Variants in CUEDC2 observed in about 807,000 individuals in gnomAD.
CUEDC2 encodes CUE domain containing 2.
In CUEDC2, 10 loss-of-function variants were observed where a neutral mutation model predicts 36.0. The ratio of observed to expected loss-of-function variants is 0.28; its 90% CI spans 0.17 to 0.47. The LOEUF (loss-of-function observed/expected upper bound fraction) is 0.47. Among genes scored for constraint, CUEDC2 ranks in the 20% least tolerant of loss-of-function variants. CUEDC2 has a pLI of 0.99. For synonymous variants in CUEDC2, 133 were observed against 141.8 expected (o/e 0.94, Z 0.44); for missense variants, 269 against 368.1 (o/e 0.73, Z 2.20).
intron 1 of CUEDC2, among the ~76,000 whole-genome samples, chr10:102,425,426 C>T (rs535061506): frequency 2.6e-4 from 37 of 142,024 alleles, no homozygotes; most frequent in African/African-American, 9.1e-4. Context: ...GAGGCGCCCC[C>T]CCACCTCTCC....
intron 1 of CUEDC2, 55 bp from the exon 2 acceptor site, chr10:102,425,253 G>T: frequency 7.4e-7 from 1 of 1,346,300 alleles, no homozygotes; most frequent in Non-Finnish European, 1.1e-6. Context: ...CCCACCCACT[G>T]GGCCTGGGGG....
At chr10:102,431,710 C>T (rs542910934) in intron 1 of CUEDC2, among the ~76,000 whole-genome samples, 1 of 152,326 alleles carries the variant, frequency 6.6e-6, no homozygotes, top group African/African-American at 2.4e-5. Flanking sequence ...GAGCATCTGT[C>T]CCTCTGCCTC....
Position 102,424,611 on chromosome 10 carries a change from C to T in CUEDC2, c.218+38G>A, listed in dbSNP as rs1263711289. On this transcript the variant is annotated intron_variant, in intron 3 of 8. Coordinates refer to ENST00000369937, the MANE Select transcript of CUEDC2 (RefSeq NM_024040.3). The surrounding 1 kb of genome is among the most constrained non-coding windows in gnomAD (Gnocchi z 4.2). Reference sequence around the variant, plus strand: ...ATGACTCTGCCCACCCCATAATCAGCCAGCCCCTTCCTCCTCCTGGCCCTA... The same window carrying T: ...ATGACTCTGCCCACCCCATAATCAGTCAGCCCCTTCCTCCTCCTGGCCCTA... 1.9e-6 allele frequency: 3 copies of T among 1,614,074 alleles called. No homozygotes were observed. The highest frequency in any genetic ancestry group is 2.5e-6 in the Non-Finnish European group (3 of 1,180,014).
chr10:102,430,375 G>T (rs973695750), intron 1 of CUEDC2, among the ~76,000 whole-genome samples: 2 of 151,482 alleles, frequency 1.3e-5, no homozygotes, highest in South Asian at 2.1e-4. Flanking sequence ...CTCCATGTTG[G>T]TCAGGCTGGT....
chr10:102,425,644 A>G (rs2061593592), intron 1 of CUEDC2, among the ~76,000 whole-genome samples: 2 of 151,490 alleles, frequency 1.3e-5, no homozygotes, highest in Admixed American at 6.6e-5. Context: ...TCCCCCACCC[A>G]GAACAGGCCA....
At chr10:102,431,712 C>T (rs2061617215) in intron 1 of CUEDC2, among the ~76,000 whole-genome samples, 1 of 152,202 alleles carries the variant, frequency 6.6e-6, no homozygotes, top group African/African-American at 2.4e-5. Context: ...GCATCTGTCC[C>T]TCTGCCTCTC....
At chr10:102,428,282 A>C (rs899285240) in intron 1 of CUEDC2, among the ~76,000 whole-genome samples, 2 of 152,110 alleles carry the variant, frequency 1.3e-5, no homozygotes, top group African/African-American at 4.8e-5. Context: ...AAACTCTTTC[A>C]TGGCAAGGTA....
Position 102,424,010 on chromosome 10 carries a change from C to G in CUEDC2, c.580G>C (p.Glu194Gln), listed in dbSNP as rs554802882. ...GGAAAAGATACCTGGTTGGGGCCCT[C>G]CCAGGCTGCAGGCCCCTCTTCCTTT... is the stretch of plus-strand genomic sequence containing the variant. Reference protein sequence around the residue: ...EGKEEGPAAWEGPNQDLPRRL... With the variant: ...EGKEEGPAAWQGPNQDLPRRL... The change falls in exon 6 of 9, where the codon GAG (glutamate) becomes CAG (glutamine). Residue 194 changes from glutamate (E) to glutamine (Q), a missense_variant. Physicochemically the swap from Glu to Gln is conservative, Grantham distance 29 (BLOSUM62 2). Transcript: ENST00000369937. This position sits in a 1 kb window ranked among gnomAD's most constrained non-coding sequence, Gnocchi z 4.2. 3.0e-5 allele frequency: 48 copies of G among 1,613,908 alleles called. 1 individual carries two copies. In the South Asian group the frequency reaches 4.7e-4, roughly 16 times the overall value.
rs1333266376 is a variant in CUEDC2, at chr10:102,424,283, G to A, written c.392C>T (p.Ala131Val). 4 of 1,613,804 alleles carry A rather than the reference G, an allele frequency of 2.5e-6. No homozygotes were observed. In the African/African-American group the frequency reaches 5.3e-5, roughly 22 times the overall value. Residue 131 changes from alanine to valine, a missense_variant, in exon 5 of 9, where the codon GCT becomes GTT. By Grantham distance (64) the Ala-to-Val change is moderately conservative (BLOSUM62 0). Coordinates refer to ENST00000369937, the MANE Select transcript of CUEDC2 (RefSeq NM_024040.3). This position sits in a 1 kb window ranked among gnomAD's most constrained non-coding sequence, Gnocchi z 4.2. The stretch of plus-strand genomic sequence containing the variant: ...CAGTACCTCATCTTGGGTGTCTGCA[G>A]CAGCAGCAGCCGAAGACCTAGTCTC... ...KEETRSSAAA[A>V]ADTQDEATGA...
chr10:102,423,939 A>G lies in CUEDC2; in HGVS notation c.594+57T>C. On this transcript the variant is annotated intron_variant, in intron 6 of 8. Transcript: ENST00000369937. This position sits in a 1 kb window ranked among gnomAD's most constrained non-coding sequence, Gnocchi z 5.6. ...TGGGGATAGGTAGGGGTTGGGGCTT[A>G]ACACCAAGGTGGAATGTAGCTGAGG... 2 of 1,603,286 alleles carry G rather than the reference A, an allele frequency of 1.2e-6. No homozygotes were observed. Among genetic ancestry groups the G allele is most frequent in the Non-Finnish European group, 1.7e-6 (2 of 1,174,442 alleles).
In CUEDC2 at chr10:102,423,780, A is replaced by AGGATAGG; in HGVS notation, c.656+17_656+18insCCTATCC. On this transcript the variant is annotated intron_variant, in intron 7 of 8. Coordinates refer to ENST00000369937, the MANE Select transcript of CUEDC2 (RefSeq NM_024040.3). The surrounding 1 kb of genome is among the most constrained non-coding windows in gnomAD (Gnocchi z 5.6). Reference sequence around the variant, plus strand: ...GGGAAGACCCTCTAGGGCCCAGCCCAGCCCAGCCCAGACTCACTTCTGCAG... The same window carrying AGGATAGG: ...GGGAAGACCCTCTAGGGCCCAGCCCAGGATAGGGCCCAGCCCAGACTCACTTCTGCAG... The AGGATAGG allele has an allele frequency of 6.2e-7, 1 of 1,613,998 alleles. No homozygotes were observed. The highest frequency in any genetic ancestry group is 8.5e-7 in the Non-Finnish European group (1 of 1,179,950).
In CUEDC2 at chr10:102,425,177, C is replaced by G; in HGVS notation, c.12G>C (p.Glu4Asp). 6.2e-7 allele frequency: 1 copy of G among 1,613,806 alleles called. No homozygotes were observed. Among genetic ancestry groups the G allele is most frequent in the Non-Finnish European group, 8.5e-7 (1 of 1,179,860 alleles). MEL[E>D]RIVSAALLAF... is the part of the protein sequence containing the mutation. ...CAAGGAGGGCTGCACTGACGATCCT[C>G]TCCAGCTCCATGCTCTCTCTTCTGA... The change falls in exon 2 of 9, where the codon GAG (glutamate) becomes GAC (aspartate). Residue 4 changes from glutamate (E) to aspartate (D), a missense_variant. Glu to Asp is a conservative substitution (Grantham distance 45). Transcript: ENST00000369937.
rs753151719 is a variant in CUEDC2 at position 102,425,100 on chromosome 10, G to C, written c.74+15C>G. ...TCCAGCACTGACATGAGCCTTCCGG[G>C]GGACCCGTCTCTACCTGAGGTCGGC... On this transcript the variant is annotated intron_variant, in intron 2 of 8. Coordinates refer to ENST00000369937, the MANE Select transcript of CUEDC2 (RefSeq NM_024040.3). The C allele has an allele frequency of 1.2e-6, 2 of 1,611,066 alleles. No homozygotes were observed. Among genetic ancestry groups the C allele is most frequent in the African/African-American group, 2.7e-5 (2 of 75,000 alleles).
chr10:102,430,874 T>C (rs1442099627), intron 1 of CUEDC2, among the ~76,000 whole-genome samples: 1 of 152,092 alleles, frequency 6.6e-6, no homozygotes, highest in Non-Finnish European at 1.5e-5. Flanking sequence ...ATGAGACATT[T>C]CAAATTCCAG....
At position 102,424,925 on chromosome 10, in the gene CUEDC2, TA is replaced by T. The variant is rs973444723; in HGVS notation, c.75-134del. 6 of 1,053,792 alleles carry T rather than the reference TA, an allele frequency of 5.7e-6. No homozygotes were observed. The highest frequency in any genetic ancestry group is 8.2e-6 in the Non-Finnish European group (6 of 727,704). The allele number at this position is 1,053,792 out of a possible 1,614,324, so 65.3% of individuals were successfully genotyped here. On this transcript the variant is annotated intron_variant, in intron 2 of 8. Transcript: ENST00000369937. The surrounding 1 kb of genome is among the most constrained non-coding windows in gnomAD (Gnocchi z 4.2). ...CCTTTATCTTTAAGGCCAGAGAGTA[TA>T]ACCCCCTCCCTCAGAGCTATGGTTT...
chr10:102,431,052 C>T (rs1333224906), intron 1 of CUEDC2, among the ~76,000 whole-genome samples: 2 of 152,248 alleles, frequency 1.3e-5, no homozygotes, highest in Non-Finnish European at 2.9e-5. Flanking sequence ...TTGTCCTAAG[C>T]ACTTTTACAT....
At chr10:102,428,719 CTT>C (rs1174219827) in intron 1 of CUEDC2, among the ~76,000 whole-genome samples, 3 of 152,018 alleles carry the variant, frequency 2.0e-5, no homozygotes, top group Non-Finnish European at 4.4e-5. Context: ...CCCCATCTCT[CTT>C]TTTGTAGAAA....
At chr10:102,429,619 C>A (rs1425663419) in intron 1 of CUEDC2, among the ~76,000 whole-genome samples, 1 of 147,090 alleles carries the variant, frequency 6.8e-6, no homozygotes, top group Non-Finnish European at 1.5e-5. Context: ...TGCGCCAGAG[C>A]CCTCATGGGC....
chr10:102,429,830 T>C (rs2061610117), intron 1 of CUEDC2, among the ~76,000 whole-genome samples: 1 of 151,428 alleles, frequency 6.6e-6, no homozygotes, highest in Admixed American at 6.6e-5. Flanking sequence ...TCTTTTTTTT[T>C]TTTTTTGAGA....
Sources: gnomAD v4.1 joint callset for allele counts (sites outside exome capture counted in the v4.1 genomes callset) on GRCh38, gnomAD v4.1.1 for gene constraint, Gnocchi (gnomAD v3.1) non-coding constraint, MANE v1.5 for transcripts, NCBI Gene and HGNC (gene_info 2026-07-23, HGNC 2026-07-21) for gene names.